The following CALN1 variants were observed in gnomAD, a reference collection of about 807,000 sequenced individuals.
CALN1 encodes the protein calcium-binding protein 8.
Under a neutral mutation model 30.6 loss-of-function variants are expected in CALN1, and 17 were observed. The observed-to-expected ratio is 0.56, with a 90% CI of 0.38 to 0.83. The LOEUF (loss-of-function observed/expected upper bound fraction) is 0.83. CALN1 is among the 40% of genes least tolerant of loss of function. The pLI is 0.00. For synonymous variants in CALN1, 156 were observed against 131.4 expected (o/e 1.19, Z -1.28); for missense variants, 291 against 354.9 (o/e 0.82, Z 1.45).
intron 2 of CALN1, among the ~76,000 whole-genome samples, chr7:72,306,271 A>C (rs1290689540): frequency 6.6e-6 from 1 of 152,190 alleles, no homozygotes; most frequent in Non-Finnish European, 1.5e-5. Context: ...CTATTCACAT[A>C]GCTAGATCTT....
At chr7:71,897,991 A>AAAAG (rs1793628786) in intron 5 of CALN1, among the ~76,000 whole-genome samples, 2 of 110,566 alleles carry the variant, frequency 1.8e-5, no homozygotes, top group African/African-American at 8.2e-5. Flanking sequence ...AAAAAAAAAA[A>AAAAG]AGAGAGAGAG....
At chr7:71,875,811 A>G (rs910925862) in intron 5 of CALN1, among the ~76,000 whole-genome samples, 1 of 152,182 alleles carries the variant, frequency 6.6e-6, no homozygotes, top group Non-Finnish European at 1.5e-5. Context: ...TGTTATTGGG[A>G]GACTCCATGG....
At chr7:71,995,115 G>C (rs1443635594) in intron 5 of CALN1, among the ~76,000 whole-genome samples, 2 of 152,174 alleles carry the variant, frequency 1.3e-5, no homozygotes, top group African/African-American at 4.8e-5. Flanking sequence ...GCCTCCCAAA[G>C]TGCTGGGATT....
intron 3 of CALN1, among the ~76,000 whole-genome samples, chr7:72,261,295 G>T (rs531299559): frequency 3.3e-5 from 5 of 152,130 alleles, no homozygotes; most frequent in Admixed American, 6.5e-5. Flanking sequence ...GTGACAGAGC[G>T]AGACTCTGTC....
chr7:72,358,258 G>C (rs957218903), intron 2 of CALN1, among the ~76,000 whole-genome samples: 1 of 151,948 alleles, frequency 6.6e-6, no homozygotes, highest in African/African-American at 2.4e-5. Flanking sequence ...GCCTCCCAAA[G>C]TGCTAGGATT....
At chr7:71,991,048 A>G (rs1412350340) in intron 5 of CALN1, among the ~76,000 whole-genome samples, 2 of 146,454 alleles carry the variant, frequency 1.4e-5, no homozygotes, top group African/African-American at 5.1e-5. Flanking sequence ...TGAAACAGTG[A>G]GGGGGGGGGT....
At chr7:71,871,503 T>C (rs1791924739) in intron 5 of CALN1, among the ~76,000 whole-genome samples, 1 of 152,134 alleles carries the variant, frequency 6.6e-6, no homozygotes, top group Non-Finnish European at 1.5e-5. Context: ...TCCCAGTGCT[T>C]TGGGAGGCTG....
At chr7:71,897,985 A>C (rs1463529666) in intron 5 of CALN1, among the ~76,000 whole-genome samples, 104 of 119,702 alleles carry the variant, frequency 8.7e-4, no homozygotes, top group African/African-American at 3.5e-3. Flanking sequence ...AAAAAAAAAA[A>C]AAAAAAAGAG....
intron 5 of CALN1, among the ~76,000 whole-genome samples, chr7:71,857,690 G>A (rs1791038396): frequency 6.6e-6 from 1 of 152,158 alleles, no homozygotes; most frequent in Non-Finnish European, 1.5e-5. Context: ...CCAGGCAAGG[G>A]CTCTGCGATC....
chr7:72,335,280 A>C (rs1419610691), intron 2 of CALN1, among the ~76,000 whole-genome samples: 1 of 152,216 alleles, frequency 6.6e-6, no homozygotes, highest in Non-Finnish European at 1.5e-5. Flanking sequence ...AATGGCTTTA[A>C]ATTCCTTTCC....
chr7:72,338,124 G>A (rs943515688), intron 2 of CALN1, among the ~76,000 whole-genome samples: 2 of 152,168 alleles, frequency 1.3e-5, no homozygotes, highest in African/African-American at 2.4e-5. Context: ...AGACTGTCCC[G>A]TAGACAGATT....
At chr7:72,484,300 A>G in the CALN1 span, among the ~76,000 whole-genome samples, 109 of 152,104 alleles carry the variant, frequency 7.2e-4, no homozygotes, top group African/African-American at 2.0e-3. Flanking sequence ...ACTATTTAGA[A>G]CTAGCTTATC....
At chr7:71,824,888 C>A (rs140941659) in intron 5 of CALN1, among the ~76,000 whole-genome samples, 1 of 152,088 alleles carries the variant, frequency 6.6e-6, no homozygotes, top group Non-Finnish European at 1.5e-5. Context: ...CTGATGGGGT[C>A]TTGAACAGCT....
At chr7:72,270,454 A>G (rs997682062) in intron 3 of CALN1, among the ~76,000 whole-genome samples, 9 of 152,244 alleles carry the variant, frequency 5.9e-5, no homozygotes, top group Non-Finnish European at 1.3e-4. Context: ...ATTTGTATAT[A>G]CACAAAAAAA....
intron 5 of CALN1, among the ~76,000 whole-genome samples, chr7:71,999,054 G>A (rs1347264429): frequency 6.6e-6 from 1 of 152,156 alleles, no homozygotes; most frequent in Non-Finnish European, 1.5e-5. Flanking sequence ...GATTGGCAAA[G>A]TGGACAGAGA....
intron 3 of CALN1, among the ~76,000 whole-genome samples, chr7:72,234,199 G>A: frequency 6.6e-6 from 1 of 152,132 alleles, no homozygotes; most frequent in East Asian, 1.9e-4. Context: ...AGGTAAAGCA[G>A]GATTAGAACC....
At chr7:72,416,445 G>A (rs1273930577), upstream of CALN1, among the ~76,000 whole-genome samples, 5 of 152,090 alleles carry the variant, frequency 3.3e-5, no homozygotes, top group East Asian at 3.9e-4. Flanking sequence ...GAGTGAAGCC[G>A]GGAACCCGGC....
chr7:72,397,208 A>AC (rs1302484373), intron 2 of CALN1, among the ~76,000 whole-genome samples: 4 of 152,024 alleles, frequency 2.6e-5, no homozygotes, highest in Admixed American at 2.6e-4. Context: ...ATCATACTCA[A>AC]CCCATGTAGG....
chr7:72,501,233 T>A, the CALN1 span, among the ~76,000 whole-genome samples: 1 of 151,266 alleles, frequency 6.6e-6, no homozygotes, highest in Non-Finnish European at 1.5e-5. Context: ...GCTAGACATG[T>A]AAGAAAACCA....
Sources: gnomAD v4.1 joint callset for allele counts (sites outside exome capture counted in the v4.1 genomes callset) on GRCh38, gnomAD v4.1.1 for gene constraint, MANE v1.5 for transcripts, NCBI Gene and HGNC (gene_info 2026-07-23, HGNC 2026-07-21) for gene names.